The following XRCC6 variants were observed in gnomAD, a reference collection of about 807,000 sequenced individuals.
XRCC6 encodes the protein DNA repair protein Ku70.
A neutral mutation model predicts 65.7 loss-of-function variants in XRCC6; 5 were observed. The ratio of observed to expected loss-of-function variants is 0.08; its 90% CI spans 0.04 to 0.16. The LOEUF (loss-of-function observed/expected upper bound fraction) is 0.16. XRCC6 is among the 10% of genes least tolerant of loss of function. XRCC6 has a pLI of 1.00. For missense variants in XRCC6, 447 were observed against 738.1 expected (o/e 0.61, Z 4.57); for synonymous variants, 270 against 270.6 (o/e 1.00, Z 0.02).
intron 3 of XRCC6, among the ~76,000 whole-genome samples, chr22:41,630,566 A>G (rs951075078): frequency 7.4e-5 from 11 of 148,292 alleles, no homozygotes; most frequent in African/African-American, 2.8e-4. Flanking sequence ...TGGCAGGGTC[A>G]TAGGACAATA....
Position 41,637,695 on chromosome 22 carries a change from A to T in XRCC6, c.677A>T (p.Asp226Val). ...FYRDIISIAE[D>V]EDLRVHFEES... ...AGAGATATCATCAGCATAGCAGAGG[A>T]TGAGGACCTCAGGGTTCACTTTGAG... The change falls in exon 6 of 13, where the codon GAT (aspartate) becomes GTT (valine). Residue 226 changes from aspartate to valine, a missense_variant. Physicochemically the swap from Asp to Val is radical, Grantham distance 152. Around this residue, in one of 4 missense-constraint regions of XRCC6, gnomAD observed 228 missense variants for 307.4 expected, o/e 0.74. Coordinates refer to ENST00000360079, the MANE Select transcript of XRCC6 (RefSeq NM_001469.5). 6.2e-7 allele frequency: 1 copy of T among 1,613,678 alleles called. No homozygotes were observed. The highest frequency in any genetic ancestry group is 8.5e-7 in the Non-Finnish European group (1 of 1,179,880).
chr22:41,649,182 AT>A lies in XRCC6; in HGVS notation c.961-1540del, dbSNP rs761925420. Among the ~76,000 whole-genome samples the A allele has an allele frequency of 1.1e-4, 15 of 141,166 alleles. No individual in the cohort carries two copies. In the East Asian group the frequency reaches 2.8e-3, roughly 27 times the overall value. 92.6% of individuals were successfully genotyped at this position (141,166 alleles called of 152,430 possible). A position where few individuals can be genotyped will look rare whatever the true frequency, so the allele number is the denominator to read the frequency against. On this transcript the variant is annotated intron_variant, in intron 7 of 12. Coordinates refer to ENST00000360079, the MANE Select transcript of XRCC6 (RefSeq NM_001469.5). Reference sequence around the variant, plus strand: ...TATATATGTATGTATGTGTGTGTGTATATATATATCTCTCTCCAAACAATAC... The same window carrying A: ...TATATATGTATGTATGTGTGTGTGTAATATATATCTCTCTCCAAACAATAC...
intron 7 of XRCC6, among the ~76,000 whole-genome samples, chr22:41,648,363 A>G (rs1430248916): frequency 6.6e-6 from 1 of 152,122 alleles, no homozygotes; most frequent in Non-Finnish European, 1.5e-5. Flanking sequence ...CTGTCAGTCT[A>G]ACAGTCTTGC....
At chr22:41,636,854 G>C in intron 5 of XRCC6, 84 bp downstream of exon 5, 1 of 1,494,034 alleles carries the variant, frequency 6.7e-7, no homozygotes, top group Non-Finnish European at 8.9e-7. Context: ...CAGGAGTCTT[G>C]GCTCAGCCTC....
At chr22:41,634,545 T>A (rs977823087) in intron 3 of XRCC6, among the ~76,000 whole-genome samples, 1 of 138,106 alleles carries the variant, frequency 7.2e-6, no homozygotes, top group Non-Finnish European at 1.5e-5. Context: ...TGATGAACTC[T>A]CTTTTTTTTT....
intron 6 of XRCC6, among the ~76,000 whole-genome samples, chr22:41,643,256 A>C (rs2067897036): frequency 6.6e-6 from 1 of 152,006 alleles, no homozygotes; most frequent in South Asian, 2.1e-4. Context: ...TAAAAATACA[A>C]AAATTAGCCA....
intron 9 of XRCC6, among the ~76,000 whole-genome samples, chr22:41,654,522 C>G (rs1470515512): frequency 1.3e-5 from 2 of 152,208 alleles, no homozygotes; most frequent in East Asian, 1.9e-4. Context: ...TTTGCTTCTT[C>G]CTGTTTGCTC....
At chr22:41,655,475 A>G (rs1346662661) in intron 9 of XRCC6, among the ~76,000 whole-genome samples, 1 of 151,980 alleles carries the variant, frequency 6.6e-6, no homozygotes, top group Non-Finnish European at 1.5e-5. Flanking sequence ...TGGGATGCCA[A>G]GGTGGCGGAT....
At chr22:41,646,542 G>A (rs886503533) in intron 6 of XRCC6, among the ~76,000 whole-genome samples, 3 of 152,056 alleles carry the variant, frequency 2.0e-5, no homozygotes, top group Non-Finnish European at 4.4e-5. Flanking sequence ...GAGCATTATG[G>A]GTTGTTAGAT....
chr22:41,645,323 AAAAAAAC>A (rs1403381050), intron 6 of XRCC6, among the ~76,000 whole-genome samples: 1 of 151,966 alleles, frequency 6.6e-6, no homozygotes, highest in Admixed American at 6.6e-5. Flanking sequence ...CAAAAAACAA[AAAAAAAC>A]AAACAAAAAA....
chr22:41,641,747 A>G (rs2067879812), intron 6 of XRCC6, among the ~76,000 whole-genome samples: 2 of 152,106 alleles, frequency 1.3e-5, no homozygotes, highest in Admixed American at 1.3e-4. Context: ...TAGTGAAACA[A>G]CATTGCATAG....
chr22:41,639,156 GACA>G (rs910237571), intron 6 of XRCC6, among the ~76,000 whole-genome samples: 38 of 152,134 alleles, frequency 2.5e-4, no homozygotes, highest in East Asian at 3.9e-4. Flanking sequence ...GTAAATTGGT[GACA>G]ACAATACCTG....
At chr22:41,640,109 T>A (rs1444674290) in intron 6 of XRCC6, among the ~76,000 whole-genome samples, 4 of 152,010 alleles carry the variant, frequency 2.6e-5, no homozygotes, top group Non-Finnish European at 5.9e-5. Flanking sequence ...CTACAACTCC[T>A]GGGCTCAGGC....
At chr22:41,645,698 CTTT>C (rs909409152) in intron 6 of XRCC6, among the ~76,000 whole-genome samples, 10 of 135,024 alleles carry the variant, frequency 7.4e-5, no homozygotes, top group Admixed American at 1.5e-4. Context: ...ATTCTTTCTT[CTTT>C]TTTTTTTTTT....
At chr22:41,649,801 A>AGCCGAGATC (rs2067977009) in intron 7 of XRCC6, among the ~76,000 whole-genome samples, 1 of 151,318 alleles carries the variant, frequency 6.6e-6, no homozygotes, top group African/African-American at 2.4e-5. Context: ...GCCTGCAGTG[A>AGCCGAGATC]GCCGAGATCG....
At position 41,635,962 on chromosome 22, in the gene XRCC6, C is replaced by T. The variant is rs28384727; in HGVS notation, c.196-151C>T. The T allele has an allele frequency of 9.7e-4, 578 of 598,180 alleles. 11 individuals are homozygous for T. In the South Asian group the frequency reaches 0.019, roughly 19 times the overall value. The allele number at this position is 598,180 out of a possible 1,614,324, so 37.1% of individuals were successfully genotyped here. On this transcript the variant is annotated intron_variant, in intron 3 of 12. Coordinates refer to ENST00000360079, the MANE Select transcript of XRCC6 (RefSeq NM_001469.5). Reference sequence around the variant, plus strand: ...TTGATATTTATGCCCATTACTTTCACTGATTCATTACCCCTGAAGGTAGGG... The same window carrying T: ...TTGATATTTATGCCCATTACTTTCATTGATTCATTACCCCTGAAGGTAGGG...
rs890157690 is a variant in XRCC6, at chr22:41,663,614, C to T, written c.1637-8C>T. 4 of 1,609,092 alleles carry T rather than the reference C, an allele frequency of 2.5e-6. No homozygotes were observed. Among genetic ancestry groups the T allele is most frequent in the Non-Finnish European group, 3.4e-6 (4 of 1,176,192 alleles). On this transcript the variant is annotated splice_region_variant and splice_polypyrimidine_tract_variant and intron_variant, in intron 12 of 12. Transcript: ENST00000360079. ...TTCCAGTCACTCTCTCCTGACCTTT[C>T]CCCCCAGATAATGAAGGTTCTGGAA...
intron 3 of XRCC6, among the ~76,000 whole-genome samples, chr22:41,633,215 GC>G (rs2067774625): frequency 6.6e-6 from 1 of 152,112 alleles, no homozygotes; most frequent in African/African-American, 2.4e-5. Context: ...AGAATTACTT[GC>G]AGGACATTAA....
chr22:41,659,187 T>C (rs1022096421), intron 11 of XRCC6, among the ~76,000 whole-genome samples: 1 of 151,982 alleles, frequency 6.6e-6, no homozygotes, highest in African/African-American at 2.4e-5. Flanking sequence ...ATAGCCCCAG[T>C]GTTAAAAGCA....
Sources: gnomAD v4.1 joint callset for allele counts (sites outside exome capture counted in the v4.1 genomes callset) on GRCh38, gnomAD v4.1.1 for gene constraint, gnomAD v4.1.1 regional missense constraint, MANE v1.5 for transcripts, NCBI Gene and HGNC (gene_info 2026-07-23, HGNC 2026-07-21) for gene names.